Variants in NBEA observed in about 807,000 individuals in gnomAD.
The protein encoded by NBEA is neurobeachin, also known as lysosomal-trafficking regulator 2.
In NBEA, 44 loss-of-function variants were observed where a neutral mutation model predicts 343.4. The observed-to-expected ratio is 0.13, with a 90% CI of 0.10 to 0.16. The LOEUF (loss-of-function observed/expected upper bound fraction) is 0.16, where lower values mean the gene tolerates loss of function less well. Among genes scored for constraint, NBEA ranks in the 10% least tolerant of loss-of-function variants. The pLI is 1.00. For missense variants in NBEA, 2,555 were observed against 3,631.3 expected (o/e 0.70, Z 7.62); for synonymous variants, 1,175 against 1,238.7 (o/e 0.95, Z 1.08).
intron 34 of NBEA, among the ~76,000 whole-genome samples, chr13:35,257,445 T>G (rs2032740771): frequency 1.3e-5 from 2 of 152,210 alleles, no homozygotes; most frequent in African/African-American, 4.8e-5. Flanking sequence ...ATCACAAAAT[T>G]TATTAAAATT....
At chr13:35,642,303 C>G (rs2084000922) in intron 49 of NBEA, among the ~76,000 whole-genome samples, 2 of 152,104 alleles carry the variant, frequency 1.3e-5, no homozygotes, top group Admixed American at 6.6e-5. Context: ...ATCAATCAAT[C>G]ATAGCATATT....
intron 24 of NBEA, among the ~76,000 whole-genome samples, chr13:35,168,132 G>T (rs1218361248): frequency 6.6e-6 from 1 of 151,584 alleles, no homozygotes; most frequent in East Asian, 1.9e-4. Flanking sequence ...CTGTTCTTTT[G>T]TTTATGTCAT....
At chr13:35,667,182 T>C (rs1343094850) in intron 56 of NBEA, among the ~76,000 whole-genome samples, 192 bp from the exon 57 acceptor site, 2 of 152,138 alleles carry the variant, frequency 1.3e-5, no homozygotes, top group African/African-American at 4.8e-5. Context: ...CGTAGGAGTG[T>C]GATATGTAGC....
intron 45 of NBEA, among the ~76,000 whole-genome samples, chr13:35,573,692 C>T (rs2080563536): frequency 6.6e-6 from 1 of 152,172 alleles, no homozygotes; most frequent in Non-Finnish European, 1.5e-5. Flanking sequence ...CCTATAGAGC[C>T]TGTTTTGCTT....
chr13:35,472,487 A>T lies in NBEA; in HGVS notation c.6536A>T (p.Tyr2179Phe). The change falls in exon 41 of 59, where the codon TAC (tyrosine) becomes TTC (phenylalanine). Residue 2179 changes from tyrosine (Y) to phenylalanine (F), a missense_variant. By Grantham distance (22) the Tyr-to-Phe change is conservative (BLOSUM62 3). Coordinates refer to ENST00000379939, the MANE Select transcript of NBEA (RefSeq NM_001385012.1). ...CTCTCCATCACCACGACAGAAATCT[A>T]CTTCGAGGTAGATGAGGATGATTCT... The part of the protein sequence containing the change: ...GTLSITTTEI[Y>F]FEVDEDDSAF... 1 of 1,613,950 alleles carries T rather than the reference A, an allele frequency of 6.2e-7. No individual in the cohort carries two copies. Among genetic ancestry groups the T allele is most frequent in the South Asian group, 1.1e-5 (1 of 91,084 alleles).
At chr13:35,345,937 C>T (rs1355947680) in intron 36 of NBEA, among the ~76,000 whole-genome samples, 1 of 152,114 alleles carries the variant, frequency 6.6e-6, no homozygotes, top group Middle Eastern at 3.4e-3. Flanking sequence ...TCAATGTTTT[C>T]CATGTGGATA....
At chr13:35,469,699 T>C (rs1404324360) in intron 40 of NBEA, among the ~76,000 whole-genome samples, 1 of 152,216 alleles carries the variant, frequency 6.6e-6, no homozygotes, top group African/African-American at 2.4e-5. Context: ...TTTACAGTCA[T>C]TCCTCAACTC....
At chr13:35,048,989 T>A (rs1188294678) in intron 5 of NBEA, among the ~76,000 whole-genome samples, 1 of 151,870 alleles carries the variant, frequency 6.6e-6, no homozygotes, top group Non-Finnish European at 1.5e-5. Context: ...TAGTGAGGAT[T>A]GCTGGTCCCT....
chr13:34,992,178 GTATATGTGTGTGTATA>G (rs1473412946), intron 1 of NBEA, among the ~76,000 whole-genome samples: 2 of 146,972 alleles, frequency 1.4e-5, no homozygotes, highest in African/African-American at 5.0e-5. Flanking sequence ...AAATGTGTGT[GTATATGTGTGTGTATA>G]TATATGTGTG....
At chr13:34,982,302 A>ATT (rs113223569) in intron 1 of NBEA, among the ~76,000 whole-genome samples, 1 of 146,944 alleles carries the variant, frequency 6.8e-6, no homozygotes, top group African/African-American at 2.5e-5. Flanking sequence ...GTTGTTATTG[A>ATT]TTTTTTTTTT....
chr13:35,642,349 T>C (rs1385124020), intron 49 of NBEA, among the ~76,000 whole-genome samples: 1 of 152,208 alleles, frequency 6.6e-6, no homozygotes, highest in Non-Finnish European at 1.5e-5. Context: ...TAATAGTATA[T>C]AAAATAATGG....
In NBEA at chr13:35,149,278, T is replaced by C. The variant is rs190887753; in HGVS notation, c.2446-6496T>C. On this transcript the variant is annotated intron_variant, in intron 18 of 58. Coordinates refer to ENST00000379939, the MANE Select transcript of NBEA (RefSeq NM_001385012.1). ...GTCATTTTCTTTCTTTATTCTGATA[T>C]TGTATTTCCCTCATCATAGTAACTG... is the stretch of plus-strand genomic sequence containing the variant. 2.6e-3 allele frequency among the ~76,000 whole-genome samples: 394 copies of C among 152,288 alleles called. 1 individual carries two copies. Among genetic ancestry groups the C allele is most frequent in the African/African-American group, 9.1e-3 (378 of 41,554 alleles).
intron 1 of NBEA, among the ~76,000 whole-genome samples, chr13:35,030,518 A>G (rs2062171914): frequency 6.6e-6 from 1 of 151,530 alleles, no homozygotes; most frequent in Non-Finnish European, 1.5e-5. Context: ...ACTTATCTTC[A>G]GTTTCTTTCT....
chr13:35,238,432 A>G (rs1468834254), intron 34 of NBEA, among the ~76,000 whole-genome samples: 1 of 152,172 alleles, frequency 6.6e-6, no homozygotes, highest in Non-Finnish European at 1.5e-5. Flanking sequence ...CAGTGTTTTT[A>G]CTTTCCTCCC....
chr13:35,016,920 G>GT (rs1566167998), intron 1 of NBEA, among the ~76,000 whole-genome samples: 2 of 152,100 alleles, frequency 1.3e-5, no homozygotes, highest in Non-Finnish European at 2.9e-5. Flanking sequence ...CTGAGTGATT[G>GT]GATCCTTTAA....
chr13:35,444,372 A>G (rs368853347), intron 39 of NBEA, among the ~76,000 whole-genome samples: 1 of 152,030 alleles, frequency 6.6e-6, no homozygotes, highest in East Asian at 1.9e-4. Context: ...TTAAGTTTTA[A>G]TGAGAAAAAG....
At chr13:35,539,548 C>T (rs1248550735) in intron 41 of NBEA, among the ~76,000 whole-genome samples, 1 of 151,980 alleles carries the variant, frequency 6.6e-6, no homozygotes, top group Non-Finnish European at 1.5e-5. Flanking sequence ...ATAAATTGTA[C>T]TATGATTTTG....
At chr13:35,138,910 T>C (rs943193559) in intron 17 of NBEA, among the ~76,000 whole-genome samples, 1 of 152,104 alleles carries the variant, frequency 6.6e-6, no homozygotes, top group Non-Finnish European at 1.5e-5. Flanking sequence ...GTGTCATATA[T>C]GGATTTATAT....
At chr13:34,943,231 G>A (rs989743011) in intron 1 of NBEA, 117 bp downstream of exon 1, 2 of 1,370,518 alleles carry the variant, frequency 1.5e-6, no homozygotes, top group South Asian at 1.3e-5. Context: ...CCCTGGGAGC[G>A]CAGAGCGTTC....
Sources: allele counts gnomAD v4.1 joint callset (sites outside exome capture counted in the v4.1 genomes callset), GRCh38; gene constraint gnomAD v4.1.1; transcripts MANE v1.5; gene names NCBI Gene and HGNC (gene_info 2026-07-23, HGNC 2026-07-21).